Variants in MICU1 observed in about 807,000 individuals in gnomAD.
MICU1 encodes the protein mitochondrial calcium uptake 1, also known as calcium uptake protein 1, mitochondrial.
Under a neutral mutation model 56.8 loss-of-function variants are expected in MICU1, and 45 were observed. The ratio of observed to expected loss-of-function variants is 0.79; its 90% CI spans 0.62 to 1.02. The LOEUF (loss-of-function observed/expected upper bound fraction) is 1.02, where lower values mean the gene tolerates loss of function less well. MICU1 is among the 50% of genes least tolerant of loss of function. MICU1 has a pLI of 0.00. For synonymous variants in MICU1, 186 were observed against 195.1 expected, an observed-to-expected ratio of 0.95 and a Z score of 0.39; for missense variants, 504 against 587.1, an observed-to-expected ratio of 0.86 and a Z score of 1.46.
intron 10 of MICU1, among the ~76,000 whole-genome samples, chr10:72,386,754 G>A (rs1862906223): frequency 6.6e-6 from 1 of 151,842 alleles, no homozygotes; most frequent in African/African-American, 2.4e-5. Flanking sequence ...TAGAGACAGA[G>A]TCCCACTGTG....
chr10:72,596,130 C>T lies in MICU1; in HGVS notation c.-1-29336G>A, dbSNP rs567099327. Among the ~76,000 whole-genome samples, 14 of 152,122 alleles carry T rather than the reference C, an allele frequency of 9.2e-5. No individual in the cohort carries two copies. In the East Asian group the frequency reaches 2.3e-3, roughly 25 times the overall value. On this transcript the variant is annotated intron_variant, in intron 1 of 11. Transcript: ENST00000361114. The stretch of plus-strand genomic sequence containing the variant: ...CCTCCCCAGTAGCTGGGATTACAGG[C>T]GCCCACCACCACGCCCAGCTAATTT...
At chr10:72,574,769 G>T (rs533934459) in intron 1 of MICU1, among the ~76,000 whole-genome samples, 59 of 152,190 alleles carry the variant, frequency 3.9e-4, no homozygotes, top group Non-Finnish European at 6.3e-4. Context: ...AAGGATAAAG[G>T]GAAGCTTTAT....
chr10:72,430,340 T>C (rs1235325305), intron 8 of MICU1, among the ~76,000 whole-genome samples: 6 of 152,304 alleles, frequency 3.9e-5, no homozygotes, highest in African/African-American at 1.2e-4. Context: ...TTTTTCATCA[T>C]TATTTTAGGA....
At chr10:72,596,699 C>T (rs1841390141) in intron 1 of MICU1, among the ~76,000 whole-genome samples, 1 of 151,350 alleles carries the variant, frequency 6.6e-6, no homozygotes, top group South Asian at 2.1e-4. Context: ...ATGGTGAAAC[C>T]CTATCTCTAC....
rs1840337456 is a variant in MICU1 at position 72,562,981 on chromosome 10, C to T, written c.244G>A (p.Val82Ile). 2 of 1,609,604 alleles carry T rather than the reference C, an allele frequency of 1.2e-6. No homozygotes were observed. Among genetic ancestry groups the T allele is most frequent in the Non-Finnish European group, 1.7e-6 (2 of 1,178,008 alleles). ...GCAGTCTTTTTCTCATGGTTACAAACATCCCCTTCATCTTTATTCTTCCCT... is the reference window on the plus strand; with the variant it reads ...GCAGTCTTTTTCTCATGGTTACAAATATCCCCTTCATCTTTATTCTTCCCT... ...DKGKNKDEGDVCNHEKKTADL... is the reference protein window; with the variant it reads ...DKGKNKDEGDICNHEKKTADL... Residue 82 changes from valine to isoleucine, a missense_variant, in exon 3 of 12, where the codon GTT (valine) becomes ATT (isoleucine). Coordinates refer to ENST00000361114, the MANE Select transcript of MICU1 (RefSeq NM_001195518.2).
intron 10 of MICU1, among the ~76,000 whole-genome samples, chr10:72,382,866 G>A (rs146971943): frequency 4.9e-4 from 75 of 152,274 alleles, no homozygotes; most frequent in African/African-American, 1.7e-3. Flanking sequence ...CCAAGATCAC[G>A]CCACTGCACT....
chr10:72,562,282 T>C (rs955862467), intron 3 of MICU1, among the ~76,000 whole-genome samples: 4 of 149,240 alleles, frequency 2.7e-5, no homozygotes, highest in African/African-American at 9.8e-5. Flanking sequence ...GCCTCCTGAG[T>C]AGCTGGGACT....
chr10:72,377,126 CTTTTT>C (rs71018280), intron 10 of MICU1, among the ~76,000 whole-genome samples: 1 of 148,356 alleles, frequency 6.7e-6, no homozygotes, highest in Non-Finnish European at 1.5e-5. Flanking sequence ...GCGTATCTTT[CTTTTT>C]TTTTTTGAGA....
chr10:72,453,097 C>T (rs1461310216), intron 8 of MICU1, among the ~76,000 whole-genome samples: 2 of 152,178 alleles, frequency 1.3e-5, no homozygotes, highest in Non-Finnish European at 2.9e-5. Context: ...TAAATGATTA[C>T]ATGTGCAAAT....
intron 8 of MICU1, among the ~76,000 whole-genome samples, chr10:72,443,626 G>T (rs1005358638): frequency 1.3e-5 from 2 of 152,254 alleles, no homozygotes; most frequent in African/African-American, 4.8e-5. Flanking sequence ...ATTAAATAGG[G>T]AATCCTTTCC....
At chr10:72,388,481 A>G (rs1038043790) in intron 10 of MICU1, among the ~76,000 whole-genome samples, 1 of 152,210 alleles carries the variant, frequency 6.6e-6, no homozygotes, top group African/African-American at 2.4e-5. Context: ...AAGAAGCTAG[A>G]TTAGACAACT....
intron 8 of MICU1, among the ~76,000 whole-genome samples, chr10:72,448,576 A>C (rs1044935912): frequency 1.3e-5 from 2 of 152,138 alleles, no homozygotes. Flanking sequence ...ATTAGAATTC[A>C]GATTAAGTTG....
intron 5 of MICU1, among the ~76,000 whole-genome samples, chr10:72,515,026 A>G (rs1270067140): frequency 6.6e-6 from 1 of 152,184 alleles, no homozygotes; most frequent in Non-Finnish European, 1.5e-5. Flanking sequence ...AAACAAAGGC[A>G]AGCCTCAAAG....
At chr10:72,590,810 C>G (rs1337239124) in intron 1 of MICU1, among the ~76,000 whole-genome samples, 2 of 146,824 alleles carry the variant, frequency 1.4e-5, no homozygotes, top group African/African-American at 5.0e-5. Flanking sequence ...GAGACACGGT[C>G]TCAAAAAATA....
intron 1 of MICU1, among the ~76,000 whole-genome samples, chr10:72,584,116 C>T (rs1259070826): frequency 6.6e-6 from 1 of 152,108 alleles, no homozygotes; most frequent in Non-Finnish European, 1.5e-5. Flanking sequence ...AGGAAAGATG[C>T]TATCAAAAAG....
chr10:72,519,033 T>C (rs1193253459), intron 5 of MICU1, among the ~76,000 whole-genome samples: 1 of 152,208 alleles, frequency 6.6e-6, no homozygotes, highest in Non-Finnish European at 1.5e-5. Context: ...TACAGAGCAT[T>C]ATGTTGTTTT....
chr10:72,531,908 C>CTT (rs1034478597), intron 5 of MICU1, among the ~76,000 whole-genome samples: 2 of 137,676 alleles, frequency 1.5e-5, no homozygotes, highest in African/African-American at 2.7e-5. Flanking sequence ...AGTCCTTTAT[C>CTT]TTTTTTTTTT....
intron 8 of MICU1, among the ~76,000 whole-genome samples, chr10:72,442,344 A>G (rs923300477): frequency 5.9e-5 from 9 of 151,922 alleles, no homozygotes; most frequent in Admixed American, 3.9e-4. Flanking sequence ...GGGTTTCACC[A>G]TGTTGGACAG....
intron 1 of MICU1, among the ~76,000 whole-genome samples, chr10:72,580,407 T>C (rs1840865925): frequency 6.6e-6 from 1 of 152,016 alleles, no homozygotes; most frequent in Admixed American, 6.6e-5. Flanking sequence ...ATCTCAGCTG[T>C]ACCACTACTG....
Sources: gnomAD v4.1 joint callset for allele counts (sites outside exome capture counted in the v4.1 genomes callset) on GRCh38, gnomAD v4.1.1 for gene constraint, MANE v1.5 for transcripts, NCBI Gene and HGNC (gene_info 2026-07-23, HGNC 2026-07-21) for gene names.